RBFOX2: variants seen among roughly 807,000 people sequenced by gnomAD.
The protein encoded by RBFOX2 is RNA binding fox-1 homolog 2.
RBFOX2 carries 10 observed loss-of-function variants against 49.1 expected under a neutral mutation model. The ratio of observed to expected loss-of-function variants is 0.20; its 90% confidence interval spans 0.13 to 0.35. The LOEUF (loss-of-function observed/expected upper bound fraction) is 0.35. Among genes scored for constraint, RBFOX2 ranks in the 10% least tolerant of loss-of-function variants. The pLI is 1.00. For synonymous variants in RBFOX2, 183 were observed against 187.4 expected (o/e 0.98, Z 0.19); for missense variants, 323 against 486.9 (o/e 0.66, Z 3.17).
At chr22:35,882,958 T>G (rs1022966275) in intron 1 of RBFOX2, among the ~76,000 whole-genome samples, 1 of 152,170 alleles carries the variant, frequency 6.6e-6, no homozygotes, top group Non-Finnish European at 1.5e-5. Flanking sequence ...ATGGCATAAC[T>G]TTTTCTACAA....
chr22:35,914,864 T>G (rs773987608), intron 1 of RBFOX2, among the ~76,000 whole-genome samples: 19 of 152,346 alleles, frequency 1.2e-4, no homozygotes, highest in Middle Eastern at 6.8e-3. Flanking sequence ...CTTGAAAAAC[T>G]GTTAACTTCT....
At chr22:35,962,261 A>G (rs775167914), upstream of RBFOX2, among the ~76,000 whole-genome samples, 14 of 152,204 alleles carry the variant, frequency 9.2e-5, no homozygotes, top group South Asian at 2.1e-4. Flanking sequence ...AATTAGGTAA[A>G]AAGACTGCAC....
At chr22:36,023,924 T>C (rs1443473321) in intron 1 of RBFOX2, among the ~76,000 whole-genome samples, 3 of 152,214 alleles carry the variant, frequency 2.0e-5, no homozygotes, top group Non-Finnish European at 4.4e-5. Context: ...CTCTGGCGTT[T>C]CCTAAACTCC....
At chr22:35,897,450 CTTG>C in intron 1 of RBFOX2, 1 of 847,146 alleles carries the variant, frequency 1.2e-6, no homozygotes, top group Non-Finnish European at 2.1e-6. Context: ...CACTTTATCC[CTTG>C]TTGTCCAGGA....
chr22:35,750,603 T>C (rs752730546), intron 9 of RBFOX2: 1 of 588,404 alleles, frequency 1.7e-6, no homozygotes, highest in Non-Finnish European at 3.2e-6. Context: ...GATACACACA[T>C]GCCCCTTTAA....
chr22:35,777,545 T>G (rs1239875321), intron 4 of RBFOX2: 1 of 157,632 alleles, frequency 6.3e-6, no homozygotes, highest in African/African-American at 2.4e-5. Flanking sequence ...TGTTTAAGTC[T>G]TGTCACAATT....
chr22:35,782,977 G>A (rs1437806001), intron 2 of RBFOX2, among the ~76,000 whole-genome samples: 3 of 152,244 alleles, frequency 2.0e-5, no homozygotes, highest in East Asian at 3.9e-4. Flanking sequence ...TTCAAGACAG[G>A]ACAGCTACTG....
At chr22:35,897,754 A>C in intron 1 of RBFOX2, 1 of 778,174 alleles carries the variant, frequency 1.3e-6, no homozygotes, top group Non-Finnish European at 2.4e-6. Flanking sequence ...CATATTTGCA[A>C]AATAATTAAG....
Position 35,969,966 on chromosome 22 carries a change from T to C in RBFOX2, c.187-31069A>G, listed in dbSNP as rs1338353385. 2.6e-5 allele frequency among the ~76,000 whole-genome samples: 4 copies of C among 152,194 alleles called. No individual in the cohort carries two copies. In the East Asian group the frequency reaches 7.7e-4, roughly 29 times the overall value. On this transcript the variant is annotated intron_variant, in intron 1 of 13. Coordinates refer to the RBFOX2 transcript ENST00000438146. ...GAGGCCATTTATCCTAGAGTTCTGA[T>C]AAATTGTAGGAGATAACATGAGTCT...
intron 4 of RBFOX2, among the ~76,000 whole-genome samples, chr22:35,777,304 G>A (rs1944162516): frequency 1.3e-5 from 2 of 152,028 alleles, no homozygotes; most frequent in African/African-American, 4.8e-5. Context: ...GAGCCACTGC[G>A]CCCAGCCTAA....
At position 35,788,731 on chromosome 22, in the gene RBFOX2, A is replaced by G. The variant is rs1345329585; in HGVS notation, c.253-6985T>C. Among the ~76,000 whole-genome samples, 4 of 152,164 alleles carry G rather than the reference A, an allele frequency of 2.6e-5. No homozygotes were observed. In the East Asian group the frequency reaches 7.7e-4, roughly 29 times the overall value. ...GCAGCTTGTAGGACTATCCAAATAC[A>G]CCTGATGTTCTAAAACAGTGTCCAT... On this transcript the variant is annotated intron_variant, in intron 2 of 11. Coordinates refer to ENST00000405409, the Ensembl canonical transcript of RBFOX2.
intron 9 of RBFOX2, among the ~76,000 whole-genome samples, chr22:35,758,268 GAC>G (rs1937544762): frequency 1.3e-5 from 2 of 152,166 alleles, no homozygotes; most frequent in African/African-American, 4.8e-5. Flanking sequence ...ATATATACCT[GAC>G]ACAGACTTGG....
exon 1 of RBFOX2, chr22:35,840,222 C>G: frequency 6.2e-7 from 1 of 1,614,150 alleles, no homozygotes; most frequent in South Asian, 1.1e-5. Flanking sequence ...TCTCCATAAA[C>G]CAAACGGATA....
chr22:35,828,566 G>A (rs1334922660), intron 1 of RBFOX2, among the ~76,000 whole-genome samples: 1 of 152,172 alleles, frequency 6.6e-6, no homozygotes, highest in African/African-American at 2.4e-5. Context: ...AGAACCACCT[G>A]AAAGAAATAC....
At chr22:35,880,151 G>GA (rs796969949) in intron 1 of RBFOX2, among the ~76,000 whole-genome samples, 3,153 of 142,136 alleles carry the variant, frequency 0.022, 108 homozygotes, top group African/African-American at 0.075. Context: ...CGAGACTGAG[G>GA]AAAAAAAAAA....
intron 1 of RBFOX2, among the ~76,000 whole-genome samples, chr22:36,012,521 A>C (rs1401565693): frequency 1.3e-5 from 2 of 152,190 alleles, no homozygotes; most frequent in Admixed American, 6.5e-5. Context: ...TCAAGGCTGC[A>C]GTGAGCTATG....
At position 35,985,076 on chromosome 22, in the gene RBFOX2, T is replaced by C. The variant is rs569084494; in HGVS notation, c.186+43164A>G. Among the ~76,000 whole-genome samples the C allele has an allele frequency of 1.2e-4, 18 of 152,316 alleles. 1 individual carries two copies. In the South Asian group the frequency reaches 3.5e-3, roughly 30 times the overall value. On this transcript the variant is annotated intron_variant, in intron 1 of 13. Transcript: ENST00000438146. ...CATAATGTGACACAGTAATGGTGGA[T>C]GGTGGCTGTTCCAAAGTAGACTCAT...
intron 1 of RBFOX2, among the ~76,000 whole-genome samples, chr22:35,918,579 C>A (rs564840547): frequency 6.6e-4 from 100 of 152,296 alleles, no homozygotes; most frequent in Non-Finnish European, 1.3e-3. Context: ...TGCCAGCACT[C>A]AACAAACTGG....
chr22:35,988,501 A>G (rs570347971), intron 1 of RBFOX2, among the ~76,000 whole-genome samples: 2 of 152,328 alleles, frequency 1.3e-5, no homozygotes, highest in Non-Finnish European at 2.9e-5. Context: ...TCCTAACCCT[A>G]TCTTAGAAAT....
Sources: gnomAD v4.1 joint callset for allele counts (sites outside exome capture counted in the v4.1 genomes callset) on GRCh38, gnomAD v4.1.1 for gene constraint, MANE v1.5 for transcripts, NCBI Gene and HGNC (gene_info 2026-07-23, HGNC 2026-07-21) for gene names.